The following LMBRD2 variants were observed in gnomAD, a reference collection of about 807,000 sequenced individuals.
LMBRD2 encodes LMBR1 domain containing 2, also known as G protein-coupled receptor-associated protein LMBRD2.
LMBRD2 carries 55 observed loss-of-function variants against 94.4 expected under a neutral mutation model. The observed-to-expected ratio is 0.58, with a 90% confidence interval of 0.47 to 0.73. The LOEUF (loss-of-function observed/expected upper bound fraction) is 0.73. Ranked by LOEUF, LMBRD2 falls within the 30% of genes least tolerant of loss-of-function variation. The pLI, the probability that LMBRD2 is intolerant of heterozygous loss-of-function variation, is 0.00. For synonymous variants in LMBRD2, 246 were observed against 272.4 expected (o/e 0.90, Z 0.95); for missense variants, 640 against 831.9 (o/e 0.77, Z 2.84).
At chr5:36,114,958 A>T in intron 12 of LMBRD2, 57 bp downstream of exon 12, 3 of 1,114,652 alleles carry the variant, frequency 2.7e-6, no homozygotes, top group Non-Finnish European at 4.0e-6. Context: ...ATTTCACAAT[A>T]ACAGCACCTC....
intron 1 of LMBRD2, among the ~76,000 whole-genome samples, chr5:36,150,564 C>G (rs1217916970): frequency 6.6e-6 from 1 of 152,206 alleles, no homozygotes. Flanking sequence ...AAGGACGTAG[C>G]TTCAAACAAA....
rs1270870883 is a variant in LMBRD2 at position 36,114,316 on chromosome 5, C to G, written c.1640+108G>C. The G allele has an allele frequency of 5.2e-6, 7 of 1,343,540 alleles. No homozygotes were observed. The East Asian group carries it at 2.1e-4, about 40-fold the overall frequency. 83.2% of individuals were successfully genotyped at this position (1,343,540 alleles called of 1,614,324 possible). The stretch of plus-strand genomic sequence containing the variant: ...CAAACTATCCCCAGCTTCTCCAAAG[C>G]TACAATGAAACAAACTGAAACTCAA... On this transcript the variant is annotated intron_variant, in intron 13 of 17. Transcript: ENST00000296603.
At chr5:36,145,194 A>T (rs1167090892) in intron 1 of LMBRD2, among the ~76,000 whole-genome samples, 1 of 152,250 alleles carries the variant, frequency 6.6e-6, no homozygotes, top group Non-Finnish European at 1.5e-5. Context: ...ATAATAAAAA[A>T]TACTGTGTAG....
chr5:36,130,823 AG>A (rs1404523222), intron 6 of LMBRD2, among the ~76,000 whole-genome samples: 2 of 152,214 alleles, frequency 1.3e-5, no homozygotes, highest in Non-Finnish European at 2.9e-5. Flanking sequence ...ATTGACAACA[AG>A]TAATAAAATC....
intron 11 of LMBRD2, among the ~76,000 whole-genome samples, chr5:36,115,715 TAC>T (rs142065535): frequency 3.0e-4 from 45 of 149,578 alleles, no homozygotes; most frequent in East Asian, 7.8e-4. Context: ...TACAGGAATC[TAC>T]ACACACACAC....
Position 36,123,002 on chromosome 5 carries a change from TA to T in LMBRD2, c.823-42del, listed in dbSNP as rs762445763. 4 of 1,411,260 alleles carry T rather than the reference TA, an allele frequency of 2.8e-6. No homozygotes were observed. The South Asian group carries it at 6.4e-5, about 22-fold the overall frequency. The allele number at this position is 1,411,260 out of a possible 1,614,324, so 87.4% of individuals were successfully genotyped here. A position where few individuals can be genotyped will look rare whatever the true frequency, so the allele number is the denominator to read the frequency against. On this transcript the variant is annotated intron_variant, in intron 7 of 17. Transcript: ENST00000296603. Reference sequence around the variant, plus strand: ...AGTAGATTTTTAAAAATCTTAATTGTAAAAAGATAAAAATTTATTTTTATTA... The same window carrying T: ...AGTAGATTTTTAAAAATCTTAATTGTAAAAGATAAAAATTTATTTTTATTA...
chr5:36,105,834 A>C (rs1743453791), intron 16 of LMBRD2, among the ~76,000 whole-genome samples: 1 of 152,154 alleles, frequency 6.6e-6, no homozygotes, highest in African/African-American at 2.4e-5. Context: ...ACAGCAGATA[A>C]AGAAAACTAA....
rs1193879362 is a variant in LMBRD2, at chr5:36,151,610, G to C, written c.-112C>G. 6.5e-6 allele frequency: 1 copy of C among 153,174 alleles called. No individual in the cohort carries two copies. Among genetic ancestry groups the C allele is most frequent in the Non-Finnish European group, 1.5e-5 (1 of 68,666 alleles). 9.5% of individuals were successfully genotyped at this position (153,174 alleles called of 1,614,324 possible). A position where few individuals can be genotyped will look rare whatever the true frequency, so the allele number is the denominator to read the frequency against. On this transcript the variant is annotated 5_prime_UTR_variant, in exon 1 of 18. Transcript: ENST00000296603. The surrounding 1 kb of genome is among the most constrained non-coding windows in gnomAD (Gnocchi z 4.7). ...CTCAGCAGCCAAGGACTTGGGCCCC[G>C]CAGCGGCGGCCACTCGGGGTCTGCC...
chr5:36,131,590 A>T (rs985948691), intron 6 of LMBRD2, among the ~76,000 whole-genome samples: 2 of 152,146 alleles, frequency 1.3e-5, no homozygotes, highest in Non-Finnish European at 2.9e-5. Context: ...AAAACCTAAA[A>T]ACTCCACCAA....
At chr5:36,118,495 C>T (rs770395826) in intron 9 of LMBRD2, among the ~76,000 whole-genome samples, 14 of 151,642 alleles carry the variant, frequency 9.2e-5, no homozygotes, top group Non-Finnish European at 1.8e-4. Context: ...AAAATATACA[C>T]GGAAACATTT....
intron 15 of LMBRD2, among the ~76,000 whole-genome samples, chr5:36,109,461 T>TA (rs1362159237): frequency 1.3e-5 from 2 of 152,052 alleles, no homozygotes; most frequent in African/African-American, 2.4e-5. Context: ...ACCCATTTGT[T>TA]AAAAAAATGT....
intron 7 of LMBRD2, 89 bp downstream of exon 7, chr5:36,124,102 T>G (rs1743949315): frequency 1.5e-6 from 1 of 676,854 alleles, no homozygotes; most frequent in Non-Finnish European, 2.5e-6. Flanking sequence ...ACCTCAGCTA[T>G]AGGCTGTTTT....
intron 1 of LMBRD2, among the ~76,000 whole-genome samples, chr5:36,147,197 T>C (rs1744569235): frequency 2.0e-5 from 3 of 152,186 alleles, no homozygotes. Context: ...TATTGCCTTA[T>C]TATGACACAG....
Position 36,143,330 on chromosome 5 carries a change from C to T in LMBRD2, c.20G>A (p.Gly7Glu). Residue 7 changes from glycine (G) to glutamate (E), a missense_variant, in exon 2 of 18, where the codon GGA becomes GAA. By Grantham distance (98) the Gly-to-Glu change is moderately conservative. Coordinates refer to ENST00000296603, the MANE Select transcript of LMBRD2 (RefSeq NM_001007527.2). The stretch of plus-strand genomic sequence containing the variant: ...AAAAAAGACAAAAACAATCTCAAGT[C>T]CCAAAGCTGCACCACTCATTATTGA... MSGAALGLEIVFVFFLA... is the reference protein window; with the variant it reads MSGAALELEIVFVFFLA... 6.2e-7 allele frequency: 1 copy of T among 1,613,312 alleles called. No individual in the cohort carries two copies. The highest frequency in any genetic ancestry group is 8.5e-7 in the Non-Finnish European group (1 of 1,179,534).
chr5:36,135,920 C>T (rs1271072447), intron 6 of LMBRD2, among the ~76,000 whole-genome samples: 2 of 152,174 alleles, frequency 1.3e-5, no homozygotes, highest in Non-Finnish European at 2.9e-5. Context: ...GTGGGATTAC[C>T]TTAGGTTAAC....
intron 7 of LMBRD2, among the ~76,000 whole-genome samples, chr5:36,123,608 A>G (rs192678405): frequency 5.9e-5 from 9 of 151,980 alleles, no homozygotes; most frequent in Admixed American, 5.9e-4. Context: ...CAATTGGGGA[A>G]CTGCAAATAA....
rs190533715 is a variant in LMBRD2, at chr5:36,129,564, G to C, written c.748-5299C>G. ...AATAAACGTTTCCAGACAAACAAAA[G>C]CTGAGAGATTTCGTCCATACCAGTC... is the stretch of plus-strand genomic sequence containing the variant. On this transcript the variant is annotated intron_variant, in intron 6 of 17. Coordinates refer to ENST00000296603, the MANE Select transcript of LMBRD2 (RefSeq NM_001007527.2). Among the ~76,000 whole-genome samples the C allele has an allele frequency of 2.0e-5, 3 of 152,034 alleles. No homozygotes were observed. In the East Asian group the frequency reaches 5.8e-4, roughly 29 times the overall value.
At chr5:36,144,796 T>G in intron 1 of LMBRD2, among the ~76,000 whole-genome samples, 1 of 152,240 alleles carries the variant, frequency 6.6e-6, no homozygotes, top group East Asian at 1.9e-4. Context: ...TTAAGTACTT[T>G]AAATGGTTAA....
rs368165112 is a variant in LMBRD2 at position 36,151,659 on chromosome 5, T to C, written c.-161A>G. The C allele has an allele frequency of 6.5e-6, 1 of 154,496 alleles. No homozygotes were observed. The highest frequency in any genetic ancestry group is 1.4e-5 in the Non-Finnish European group (1 of 69,360). 9.6% of individuals were successfully genotyped at this position (154,496 alleles called of 1,614,324 possible). A position where few individuals can be genotyped will look rare whatever the true frequency, so the allele number is the denominator to read the frequency against. ...CCGGGTCCCCTCTCTTTCCGCCTGC[T>C]CTCGGCCCCGGACCCCAGACTCAAA... On this transcript the variant is annotated 5_prime_UTR_variant, in exon 1 of 18. Coordinates refer to ENST00000296603, the MANE Select transcript of LMBRD2 (RefSeq NM_001007527.2). This position sits in a 1 kb window ranked among gnomAD's most constrained non-coding sequence, Gnocchi z 4.7.
Sources: gnomAD v4.1 joint callset for allele counts (sites outside exome capture counted in the v4.1 genomes callset) on GRCh38, gnomAD v4.1.1 for gene constraint, Gnocchi (gnomAD v3.1) non-coding constraint, MANE v1.5 for transcripts, NCBI Gene and HGNC (gene_info 2026-07-23, HGNC 2026-07-21) for gene names.